CEP112: variants seen among roughly 807,000 people sequenced by gnomAD.
The protein encoded by CEP112 is centrosomal protein 112.
Under a neutral mutation model 153.0 loss-of-function variants are expected in CEP112, and 127 were observed. The ratio of observed to expected loss-of-function variants is 0.83; its 90% CI spans 0.72 to 0.96. CEP112 has a LOEUF of 0.96. CEP112 is among the 40% of genes least tolerant of loss of function. The pLI, the probability that CEP112 is intolerant of heterozygous loss-of-function variation, is 0.00. For synonymous variants in CEP112, 358 were observed against 374.4 expected (o/e 0.96, Z 0.51); for missense variants, 1,089 against 1,101.2 (o/e 0.99, Z 0.16).
chr17:65,941,775 T>C (rs1269280800), intron 18 of CEP112, among the ~76,000 whole-genome samples: 1 of 136,954 alleles, frequency 7.3e-6, no homozygotes, highest in Non-Finnish European at 1.6e-5. Context: ...AGGTTTTTTT[T>C]TGTTTTGTTT....
intron 21 of CEP112, among the ~76,000 whole-genome samples, chr17:65,801,514 T>C (rs2055275294): frequency 6.6e-6 from 1 of 152,246 alleles, no homozygotes; most frequent in Non-Finnish European, 1.5e-5. Flanking sequence ...TTTTCTGGTA[T>C]GTTTTACACT....
chr17:65,705,939 T>C (rs1482588087), intron 23 of CEP112, among the ~76,000 whole-genome samples: 1 of 152,108 alleles, frequency 6.6e-6, no homozygotes, highest in Non-Finnish European at 1.5e-5. Context: ...CTGAGAGGCA[T>C]TCTGAAATAC....
At chr17:66,180,502 T>C (rs1283991819) in intron 2 of CEP112, among the ~76,000 whole-genome samples, 6 of 152,168 alleles carry the variant, frequency 3.9e-5, no homozygotes, top group Admixed American at 3.9e-4. Flanking sequence ...TACTCTAAAA[T>C]TAAATCTTGA....
At chr17:65,731,475 G>T (rs1026369819) in intron 23 of CEP112, among the ~76,000 whole-genome samples, 4 of 152,294 alleles carry the variant, frequency 2.6e-5, no homozygotes, top group African/African-American at 9.6e-5. Flanking sequence ...GGAGGGTCTT[G>T]CTTTTGATGC....
chr17:65,764,826 A>G (rs2052847952), intron 21 of CEP112, among the ~76,000 whole-genome samples: 1 of 147,438 alleles, frequency 6.8e-6, no homozygotes, highest in African/African-American at 2.6e-5. Flanking sequence ...TGTTTTGTAT[A>G]TCCTTTGTTC....
intron 24 of CEP112, among the ~76,000 whole-genome samples, chr17:65,650,486 G>A (rs944295472): frequency 5.9e-5 from 9 of 152,034 alleles, no homozygotes; most frequent in Non-Finnish European, 1.3e-4. Context: ...TCCCTAACAC[G>A]TTTCCTCCCA....
In CEP112 at chr17:65,866,948, A is replaced by G. The variant is rs183751997; in HGVS notation, c.2164-14914T>C. Among the ~76,000 whole-genome samples the G allele has an allele frequency of 7.2e-4, 109 of 151,296 alleles. 1 individual carries two copies. Among genetic ancestry groups the G allele is most frequent in the African/African-American group, 2.4e-3 (101 of 41,390 alleles). ...CAAGAACTTGGGACCTGCCAAAAAA[A>G]CAAACCCATGCCCCTTGCTCACCAC... On this transcript the variant is annotated intron_variant, in intron 20 of 26. Coordinates refer to ENST00000535342, the MANE Select transcript of CEP112 (RefSeq NM_001199165.4).
At chr17:66,051,354 A>G (rs749775637) in intron 12 of CEP112, among the ~76,000 whole-genome samples, 13 of 134,198 alleles carry the variant, frequency 9.7e-5, no homozygotes, top group Non-Finnish European at 2.1e-4. Context: ...CTGAGTGTTT[A>G]TTATTGTGTA....
At position 65,868,477 on chromosome 17, in the gene CEP112, G is replaced by T. The variant is rs1380581965; in HGVS notation, c.2164-16443C>A. On this transcript the variant is annotated intron_variant, in intron 20 of 26. Coordinates refer to ENST00000535342, the MANE Select transcript of CEP112 (RefSeq NM_001199165.4). ...ATCATGCCACTGTACTCCAGCCTGG[G>T]CAACAAAGTGAGACTCTGTCTCAAA... Among the ~76,000 whole-genome samples the T allele has an allele frequency of 2.6e-5, 4 of 151,164 alleles. No homozygotes were observed. In the East Asian group the frequency reaches 7.8e-4, roughly 29 times the overall value.
chr17:65,853,684 C>T lies in CEP112; in HGVS notation c.2164-1650G>A, dbSNP rs191705367. 3.2e-3 allele frequency among the ~76,000 whole-genome samples: 480 copies of T among 150,680 alleles called. 3 individuals are homozygous for T. The highest frequency in any genetic ancestry group is 0.011 in the African/African-American group (454 of 40,924). ...TGGAGGTTGCAGTGAGCTGAAATTG[C>T]GCCACTGCACTCCCGCCTGGGCAAC... is the stretch of plus-strand genomic sequence containing the variant. On this transcript the variant is annotated intron_variant, in intron 20 of 26. Coordinates refer to ENST00000535342, the MANE Select transcript of CEP112 (RefSeq NM_001199165.4).
chr17:65,686,310 G>A (rs902451580), intron 24 of CEP112, among the ~76,000 whole-genome samples: 2 of 152,012 alleles, frequency 1.3e-5, no homozygotes, highest in African/African-American at 4.8e-5. Context: ...TCACTACAAA[G>A]ATGAAAGTAA....
At chr17:65,936,039 T>C (rs1181431978) in intron 18 of CEP112, among the ~76,000 whole-genome samples, 1 of 151,900 alleles carries the variant, frequency 6.6e-6, no homozygotes, top group African/African-American at 2.4e-5. Flanking sequence ...CTCAAATAAA[T>C]AATATCAGAA....
At chr17:65,803,038 G>C (rs577984135) in intron 21 of CEP112, among the ~76,000 whole-genome samples, 1 of 152,324 alleles carries the variant, frequency 6.6e-6, no homozygotes, top group Non-Finnish European at 1.5e-5. Flanking sequence ...TCTGTCCCAG[G>C]ACATGAGCCA....
At chr17:65,763,290 T>C (rs1427706984) in intron 21 of CEP112, among the ~76,000 whole-genome samples, 1 of 152,078 alleles carries the variant, frequency 6.6e-6, no homozygotes, top group East Asian at 1.9e-4. Flanking sequence ...GTGTGTAGCA[T>C]GTTTTTTCTT....
At chr17:66,050,871 T>C (rs1005239453) in intron 12 of CEP112, among the ~76,000 whole-genome samples, 1 of 152,210 alleles carries the variant, frequency 6.6e-6, no homozygotes, top group Non-Finnish European at 1.5e-5. Flanking sequence ...AAAAATTGTA[T>C]TGCTCTCTTA....
chr17:65,937,588 C>T (rs1490715806), intron 18 of CEP112, among the ~76,000 whole-genome samples: 52 of 99,088 alleles, frequency 5.2e-4, no homozygotes, highest in East Asian at 1.8e-3. Context: ...GCCCCCCACC[C>T]GGCCAGCCGC....
rs1567790025 is a variant in CEP112, at chr17:65,635,952, GT to G, written c.*18del. 2 of 1,599,090 alleles carry G rather than the reference GT, an allele frequency of 1.3e-6. No individual in the cohort carries two copies. On this transcript the variant is annotated 3_prime_UTR_variant, in exon 27 of 27. Transcript: ENST00000535342. ...ACAGCACAGCCTGGAAATTGCATCC[GT>G]TGCATTCTCTCGTGCAGTTACCTGT...
intron 17 of CEP112, among the ~76,000 whole-genome samples, chr17:65,995,758 T>C (rs554572988): frequency 3.3e-5 from 5 of 152,318 alleles, no homozygotes; most frequent in Admixed American, 1.3e-4. Flanking sequence ...GTAGCTCCCA[T>C]AATTCCCATG....
intron 8 of CEP112, among the ~76,000 whole-genome samples, chr17:66,082,401 C>T (rs907555287): frequency 1.3e-5 from 2 of 152,162 alleles, no homozygotes; most frequent in African/African-American, 4.8e-5. Flanking sequence ...TGTCACTGAA[C>T]ATGTTTTCCC....
Sources: allele counts gnomAD v4.1 joint callset (sites outside exome capture counted in the v4.1 genomes callset), GRCh38; gene constraint gnomAD v4.1.1; transcripts MANE v1.5; gene names NCBI Gene and HGNC (gene_info 2026-07-23, HGNC 2026-07-21).